The following CELF2 variants were observed in gnomAD, a reference collection of about 807,000 sequenced individuals.
CELF2 encodes CUGBP Elav-like family member 2, also known as CUG triplet repeat RNA-binding protein 2.
A neutral mutation model predicts 62.6 loss-of-function variants in CELF2; 8 were observed. That is an observed-to-expected ratio of 0.13 (90% CI 0.07 to 0.23). The LOEUF is 0.23. Ranked by LOEUF, CELF2 falls within the 10% of genes least tolerant of loss-of-function variation. The probability of loss-of-function intolerance (pLI) is 1.00; values close to 1 mark genes in which losing one functional copy is unlikely to be tolerated. For synonymous variants in CELF2, 258 were observed against 250.0 expected (o/e 1.03, Z -0.30); for missense variants, 333 against 671.0 (o/e 0.50, Z 5.56).
At chr10:10,564,360 T>C in the CELF2 span, among the ~76,000 whole-genome samples, 2 of 152,192 alleles carry the variant, frequency 1.3e-5, no homozygotes, top group Non-Finnish European at 2.9e-5. Flanking sequence ...GAGTCCTTAC[T>C]GGGACTTGGC....
chr10:10,908,405 A>G (rs1323581485), intron 1 of CELF2, among the ~76,000 whole-genome samples: 1 of 151,440 alleles, frequency 6.6e-6, no homozygotes, highest in African/African-American at 2.4e-5. Context: ...TATTTTTAGT[A>G]GAGACGGGGT....
intron 1 of CELF2, among the ~76,000 whole-genome samples, chr10:11,080,865 T>A (rs1310403855): frequency 1.3e-5 from 2 of 152,210 alleles, no homozygotes; most frequent in Non-Finnish European, 2.9e-5. Context: ...CCACGTCTGT[T>A]GTCATTAGAA....
Position 11,321,475 on chromosome 10 carries a change from G to A in CELF2, c.1294+89G>A, listed in dbSNP as rs1413359967. ...CGGTTAGAAGGTATCAAATTGAACT[G>A]AACCCATGTCATAACAGAAAGCAGT... On this transcript the variant is annotated intron_variant, in intron 11 of 12. Transcript: ENST00000633077. This position sits in a 1 kb window ranked among gnomAD's most constrained non-coding sequence, Gnocchi z 6.2. The A allele has an allele frequency of 7.0e-6, 7 of 1,006,446 alleles. No individual in the cohort carries two copies. In the African/African-American group the frequency reaches 9.9e-5, roughly 14 times the overall value. 62.3% of individuals were successfully genotyped at this position (1,006,446 alleles called of 1,614,324 possible).
intron 1 of CELF2, among the ~76,000 whole-genome samples, chr10:11,155,666 T>C (rs2064211502): frequency 6.6e-6 from 1 of 152,238 alleles, no homozygotes; most frequent in Non-Finnish European, 1.5e-5. Context: ...AATAAATACA[T>C]ATCCCTCTTC....
chr10:10,732,076 C>T, the CELF2 span, among the ~76,000 whole-genome samples: 1 of 152,094 alleles, frequency 6.6e-6, no homozygotes, highest in Non-Finnish European at 1.5e-5. Flanking sequence ...ACAAAAACCC[C>T]TAACTCATGA....
chr10:10,761,200 A>T, the CELF2 span, among the ~76,000 whole-genome samples: 4 of 152,182 alleles, frequency 2.6e-5, no homozygotes, highest in East Asian at 7.7e-4. Flanking sequence ...GGAATTGATT[A>T]TTTGAGGGGA....
chr10:11,236,100 A>G, intron 3 of CELF2, among the ~76,000 whole-genome samples: 1 of 152,220 alleles, frequency 6.6e-6, no homozygotes, highest in Non-Finnish European at 1.5e-5. Context: ...TAATTAATAA[A>G]CGTGGCTGGC....
At chr10:11,320,136 G>A (rs1305827288) in intron 10 of CELF2, among the ~76,000 whole-genome samples, 1 of 152,168 alleles carries the variant, frequency 6.6e-6, no homozygotes, top group East Asian at 1.9e-4. Flanking sequence ...AGGCAATTGT[G>A]ATGTCACCTC....
the CELF2 span, among the ~76,000 whole-genome samples, chr10:10,464,224 G>A: frequency 2.0e-5 from 3 of 152,208 alleles, no homozygotes; most frequent in African/African-American, 7.2e-5. Flanking sequence ...TTTACAACAA[G>A]AGAAAATGCT....
chr10:10,805,355 T>C (rs1191446868), intron 1 of CELF2, among the ~76,000 whole-genome samples: 1 of 152,226 alleles, frequency 6.6e-6, no homozygotes, highest in Non-Finnish European at 1.5e-5. Flanking sequence ...CAAAGTGTGT[T>C]GTCTTTACTA....
At chr10:11,033,393 G>T (rs2060450200) in intron 1 of CELF2, among the ~76,000 whole-genome samples, 1 of 152,034 alleles carries the variant, frequency 6.6e-6, no homozygotes, top group Non-Finnish European at 1.5e-5. Flanking sequence ...GAGTACCTGG[G>T]ATTACAGGCA....
Position 11,011,055 on chromosome 10 carries a change from C to T in CELF2, c.53+5615C>T, listed in dbSNP as rs2056377732. 1 of 152,222 alleles carries T rather than the reference C, an allele frequency of 6.6e-6. No homozygotes were observed. Among genetic ancestry groups the T allele is most frequent in the African/African-American group, 2.4e-5 (1 of 41,456 alleles). 9.4% of individuals were successfully genotyped at this position (152,222 alleles called of 1,614,324 possible). On this transcript the variant is annotated intron_variant, in intron 1 of 12. Coordinates refer to the CELF2 transcript ENST00000416382. This position sits in a 1 kb window ranked among gnomAD's most constrained non-coding sequence, Gnocchi z 4.6. ...TCTCTCTTCTGTACCCTCATTTGTT[C>T]ACCTTACAGCTGAGGAGGTCTTTGA...
the CELF2 span, chr10:10,792,470 T>A: frequency 3.0e-5 from 12 of 398,456 alleles, no homozygotes; most frequent in African/African-American, 1.8e-4. Flanking sequence ...ACTTGGCAAC[T>A]GTATTCGGCT....
chr10:11,037,636 C>T (rs2061178735), intron 1 of CELF2, among the ~76,000 whole-genome samples: 1 of 152,066 alleles, frequency 6.6e-6, no homozygotes, highest in Admixed American at 6.6e-5. Context: ...TGTAACAAAC[C>T]CCACTAAGGT....
At chr10:10,689,437 T>A in the CELF2 span, among the ~76,000 whole-genome samples, 2,673 of 152,178 alleles carry the variant, frequency 0.018, 40 homozygotes, top group African/African-American at 0.043. Context: ...ATCAACATGA[T>A]ATTTGGGTGG....
the CELF2 span, among the ~76,000 whole-genome samples, chr10:10,677,552 G>A: frequency 6.6e-6 from 1 of 152,122 alleles, no homozygotes; most frequent in Non-Finnish European, 1.5e-5. Flanking sequence ...CTCTAGAGTG[G>A]GACCCAGAAA....
Position 11,268,995 on chromosome 10 carries a change from CT to C in CELF2, c.619-1670del, listed in dbSNP as rs1364741084. Among the ~76,000 whole-genome samples, 3 of 152,242 alleles carry C rather than the reference CT, an allele frequency of 2.0e-5. No homozygotes were observed. Among genetic ancestry groups the C allele is most frequent in the Non-Finnish European group, 4.4e-5 (3 of 68,004 alleles). On this transcript the variant is annotated intron_variant, in intron 6 of 12. Coordinates refer to ENST00000633077, the MANE Select transcript of CELF2 (RefSeq NM_001326342.2). The surrounding 1 kb of genome is among the most constrained non-coding windows in gnomAD (Gnocchi z 4.7). ...AAGCTATAATCATTGGCCTAATTTT[CT>C]GCTTTTATATCATTTTTACTATTTA...
intron 1 of CELF2, among the ~76,000 whole-genome samples, chr10:11,025,630 TAGC>T (rs1003702959): frequency 6.6e-6 from 1 of 152,220 alleles, no homozygotes; most frequent in Admixed American, 6.5e-5. Context: ...CAGTTCTTTA[TAGC>T]AGTTTGAAAA....
chr10:10,560,627 A>G, the CELF2 span, among the ~76,000 whole-genome samples: 68 of 152,324 alleles, frequency 4.5e-4, 1 homozygote, highest in African/African-American at 1.5e-3. Flanking sequence ...TTAAAGAAAT[A>G]AAAGTAGAAC....
Sources: gnomAD v4.1 joint callset for allele counts (sites outside exome capture counted in the v4.1 genomes callset) on GRCh38, gnomAD v4.1.1 for gene constraint, Gnocchi (gnomAD v3.1) non-coding constraint, MANE v1.5 for transcripts, NCBI Gene and HGNC (gene_info 2026-07-23, HGNC 2026-07-21) for gene names.